Variants in ANKRD36 observed in about 807,000 individuals in gnomAD.
ANKRD36 encodes ankyrin repeat domain-containing protein 36A.
Under a neutral mutation model 278.1 loss-of-function variants are expected in ANKRD36, and 179 were observed. The observed-to-expected ratio is 0.64, with a 90% CI of 0.57 to 0.73. ANKRD36 has a LOEUF of 0.73. Among genes scored for constraint, ANKRD36 ranks in the 30% least tolerant of loss-of-function variants. The pLI is 0.00. For missense variants in ANKRD36, 1,159 were observed against 1,956.7 expected (o/e 0.59, Z 7.69); for synonymous variants, 320 against 641.1 (o/e 0.50, Z 7.57).
intron 38 of ANKRD36, among the ~76,000 whole-genome samples, chr2:97,193,639 A>G (rs146849588): frequency 0.03 from 4,611 of 151,478 alleles, 208 homozygotes; most frequent in East Asian, 0.11. Flanking sequence ...GCTTTTGGCT[A>G]CTCCAGGAAC....
At chr2:97,129,280 T>A (rs951963408) in intron 6 of ANKRD36, among the ~76,000 whole-genome samples, 2 of 152,146 alleles carry the variant, frequency 1.3e-5, no homozygotes, top group African/African-American at 4.8e-5. Flanking sequence ...TTTAGAGAAG[T>A]GTCTGTTCAT....
At chr2:97,197,517 G>A (rs959161701) in intron 42 of ANKRD36, among the ~76,000 whole-genome samples, 2 of 151,894 alleles carry the variant, frequency 1.3e-5, no homozygotes, top group African/African-American at 4.8e-5. Context: ...GCTTAAATCT[G>A]AATACATTAG....
intron 22 of ANKRD36, among the ~76,000 whole-genome samples, chr2:97,177,002 C>A (rs2054462862): frequency 6.6e-6 from 1 of 151,562 alleles, no homozygotes; most frequent in African/African-American, 2.4e-5. Flanking sequence ...AATCAATGTG[C>A]AAAAATCACA....
chr2:97,164,936 T>C (rs1054242436), intron 20 of ANKRD36, among the ~76,000 whole-genome samples: 4 of 151,810 alleles, frequency 2.6e-5, no homozygotes, highest in African/African-American at 9.7e-5. Flanking sequence ...TTTCTGCATG[T>C]GTGTGTGTGT....
At chr2:97,221,259 G>T (rs1171240673) in intron 66 of ANKRD36, among the ~76,000 whole-genome samples, 2 of 106,960 alleles carry the variant, frequency 1.9e-5, no homozygotes, top group Admixed American at 2.0e-4. Flanking sequence ...TGTCTTTATA[G>T]CAGCATGATT....
chr2:97,182,960 G>A lies in ANKRD36; in HGVS notation c.1838-499G>A, dbSNP rs934303938. On this transcript the variant is annotated intron_variant, in intron 26 of 75. Coordinates refer to ENST00000420699, the MANE Select transcript of ANKRD36 (RefSeq NM_001354587.1). ...GCTGGGCCACTTCCACCGAGGACTC[G>A]TGAAGTGTACATTCTACTAAAGTGT... Among the ~76,000 whole-genome samples, 6 of 151,698 alleles carry A rather than the reference G, an allele frequency of 4.0e-5. No individual in the cohort carries two copies. In the East Asian group the frequency reaches 7.8e-4, roughly 20 times the overall value.
chr2:97,115,279 G>A (rs1264881699), intron 1 of ANKRD36, among the ~76,000 whole-genome samples: 7 of 152,046 alleles, frequency 4.6e-5, no homozygotes, highest in Non-Finnish European at 8.8e-5. Context: ...GTTATGGAAT[G>A]TAGATTAAAA....
At chr2:97,168,140 C>T (rs539204978) in intron 22 of ANKRD36, among the ~76,000 whole-genome samples, 2 of 152,408 alleles carry the variant, frequency 1.3e-5, no homozygotes, top group Admixed American at 1.3e-4. Flanking sequence ...GCTGACATTA[C>T]AATTGTGTTA....
intron 22 of ANKRD36, among the ~76,000 whole-genome samples, chr2:97,178,417 T>A (rs1300135410): frequency 1.3e-5 from 2 of 151,748 alleles, no homozygotes; most frequent in Non-Finnish European, 2.9e-5. Flanking sequence ...AGCAAAGACT[T>A]GGAACCAACC....
chr2:97,229,490 G>GT (rs2071144693), intron 67 of ANKRD36, among the ~76,000 whole-genome samples: 1 of 151,990 alleles, frequency 6.6e-6, no homozygotes, highest in African/African-American at 2.4e-5. Context: ...CATTTGCTTG[G>GT]TAGATCTTCC....
intron 54 of ANKRD36, among the ~76,000 whole-genome samples, chr2:97,208,550 A>G (rs557493205): frequency 1.5e-4 from 22 of 146,318 alleles, no homozygotes; most frequent in Non-Finnish European, 3.3e-4. Flanking sequence ...CTCACTTCAG[A>G]TGCATTTGGA....
intron 20 of ANKRD36, among the ~76,000 whole-genome samples, chr2:97,166,339 G>A (rs1362160099): frequency 1.3e-5 from 2 of 148,170 alleles, no homozygotes; most frequent in Admixed American, 1.4e-4. Context: ...AGGAGGACAT[G>A]GGGCTGCTGT....
At position 97,179,934 on chromosome 2, in the gene ANKRD36, G is replaced by A; in HGVS notation, c.1735+1G>A. 6.2e-7 allele frequency: 1 copy of A among 1,604,912 alleles called. No homozygotes were observed. Among genetic ancestry groups the A allele is most frequent in the Non-Finnish European group, 8.5e-7 (1 of 1,178,158 alleles). On this transcript the variant is annotated splice_donor_variant, in intron 24 of 75. Transcript: ENST00000420699. LOFTEE classifies it high-confidence loss of function. ...AAGGAGGGACCAATATCTGGGACAG[G>A]TAATTTTGCAAAACACATCTAATGT...
intron 24 of ANKRD36, 74 bp from the exon 25 acceptor site, chr2:97,181,524 T>C: frequency 1.3e-6 from 2 of 1,591,474 alleles, no homozygotes; most frequent in Non-Finnish European, 1.7e-6. Flanking sequence ...AGCTTGATGC[T>C]AACACTGCAT....
chr2:97,263,416 AT>A lies in ANKRD36; in HGVS notation c.*7-911del, dbSNP rs1313971938. On this transcript the variant is annotated intron_variant, in intron 75 of 75. Coordinates refer to ENST00000420699, the MANE Select transcript of ANKRD36 (RefSeq NM_001354587.1). ...CTGAGGAAATATTATGTGTAGCCTC[AT>A]TACATATGCTTATTTTCCATTTGTA... Among the ~76,000 whole-genome samples, 3 of 101,428 alleles carry A rather than the reference AT, an allele frequency of 3.0e-5. No individual in the cohort carries two copies. In the East Asian group the frequency reaches 1.4e-3, roughly 49 times the overall value. The allele number at this position is 101,428 out of a possible 152,430, so 66.5% of individuals were successfully genotyped here.
Position 97,264,503 on chromosome 2 carries a change from T to C in ANKRD36, c.*181T>C, listed in dbSNP as rs1380369079. The C allele has an allele frequency of 4.0e-5, 3 of 75,366 alleles. No homozygotes were observed. The highest frequency in any genetic ancestry group is 3.7e-5 in the Non-Finnish European group (2 of 54,032). The allele number at this position is 75,366 out of a possible 1,614,324, so 4.7% of individuals were successfully genotyped here. ...ATTGTGAAAATAATCAGCAGCCGGA[T>C]GTGGATAACCCTTTCAAATTTCTCC... On this transcript the variant is annotated 3_prime_UTR_variant, in exon 76 of 76. Transcript: ENST00000420699.
At chr2:97,133,343 T>A (rs1286126608) in intron 6 of ANKRD36, among the ~76,000 whole-genome samples, 2 of 152,056 alleles carry the variant, frequency 1.3e-5, no homozygotes, top group African/African-American at 4.8e-5. Flanking sequence ...GGAATTTTGG[T>A]GAATATTTAA....
At chr2:97,171,424 C>A (rs2052460974) in intron 22 of ANKRD36, among the ~76,000 whole-genome samples, 1 of 145,206 alleles carries the variant, frequency 6.9e-6, no homozygotes, top group African/African-American at 2.5e-5. Flanking sequence ...AATTGGAAAT[C>A]ATCATTCTCA....
chr2:97,166,216 G>A (rs978518622), intron 20 of ANKRD36, among the ~76,000 whole-genome samples: 4 of 147,218 alleles, frequency 2.7e-5, no homozygotes, highest in Non-Finnish European at 4.5e-5. Context: ...AGTTTGCTGA[G>A]TCTTTGATAA....
Sources: gnomAD v4.1 joint callset for allele counts (sites outside exome capture counted in the v4.1 genomes callset) on GRCh38, gnomAD v4.1.1 for gene constraint, MANE v1.5 for transcripts, NCBI Gene and HGNC (gene_info 2026-07-23, HGNC 2026-07-21) for gene names.